ARHGEF40: variants seen among roughly 807,000 people sequenced by gnomAD.
ARHGEF40 encodes Rho guanine nucleotide exchange factor (GEF) 40.
A neutral mutation model predicts 165.9 loss-of-function variants in ARHGEF40; 98 were observed. The ratio of observed to expected loss-of-function variants is 0.59; its 90% CI spans 0.50 to 0.70. The LOEUF (loss-of-function observed/expected upper bound fraction) is 0.70. Ranked by LOEUF, ARHGEF40 falls within the 30% of genes least tolerant of loss-of-function variation. The pLI is 0.00. For synonymous variants in ARHGEF40, 792 were observed against 814.3 expected (o/e 0.97, Z 0.47); for missense variants, 1,815 against 1,968.0 (o/e 0.92, Z 1.47).
At chr14:21,063,718 G>T in the ARHGEF40 span, among the ~76,000 whole-genome samples, 1,773 of 152,280 alleles carry the variant, frequency 0.012, 29 homozygotes, top group African/African-American at 0.04. Flanking sequence ...ACAGGCACAG[G>T]TTATGTCTTA....
At chr14:21,076,749 A>T (rs746509319) in intron 7 of ARHGEF40, 25 bp from the exon 8 acceptor site, 4 of 1,613,046 alleles carry the variant, frequency 2.5e-6, no homozygotes, top group Non-Finnish European at 3.4e-6. Flanking sequence ...GCCCAGGAAG[A>T]AACCCCCTGC....
At position 21,076,584 on chromosome 14, in the gene ARHGEF40, G is replaced by A. The variant is rs1379966328; in HGVS notation, c.1858G>A (p.Val620Ile). 6.2e-7 allele frequency: 1 copy of A among 1,614,194 alleles called. No homozygotes were observed. The highest frequency in any genetic ancestry group is 1.7e-5 in the Admixed American group (1 of 60,030). The change falls in exon 7 of 24, where the codon GTT becomes ATT. Residue 620 changes from valine (V) to isoleucine (I), a missense_variant. Physicochemically the swap from Val to Ile is conservative, Grantham distance 29 (BLOSUM62 3). Transcript: ENST00000298694. ...TTAGGACTCAGGAGATCCTCCCCTTGTTCAGCGGCTGCTGATTCTCATTCA... is the reference window on the plus strand; with the variant it reads ...TTAGGACTCAGGAGATCCTCCCCTTATTCAGCGGCTGCTGATTCTCATTCA... ...QLQDSGDPPL[V>I]QRLLILIHDD...
chr14:21,083,943 G>C lies in ARHGEF40; in HGVS notation c.3682G>C (p.Glu1228Gln), dbSNP rs1888138979. The C allele has an allele frequency of 6.2e-7, 1 of 1,614,072 alleles. No homozygotes were observed. The highest frequency in any genetic ancestry group is 1.7e-4 in the Middle Eastern group (1 of 6,060). ...LEELLREAGPELSSECRALGA... is the reference protein window; with the variant it reads ...LEELLREAGPQLSSECRALGA... Reference sequence around the variant, plus strand: ...GGAGCTCCTGAGGGAAGCTGGGCCTGAGCTCAGTTCTGAGTGCCGGGCCCT... The same window carrying C: ...GGAGCTCCTGAGGGAAGCTGGGCCTCAGCTCAGTTCTGAGTGCCGGGCCCT... Residue 1228 changes from glutamate to glutamine, a missense_variant, in exon 17 of 24, where the codon GAG (glutamate) becomes CAG (glutamine). Transcript: ENST00000298694.
At chr14:21,064,642 T>C in the ARHGEF40 span, among the ~76,000 whole-genome samples, 1 of 152,220 alleles carries the variant, frequency 6.6e-6, no homozygotes, top group Non-Finnish European at 1.5e-5. Context: ...GCAAAAATTA[T>C]ACTTATGCGT....
intron 8 of ARHGEF40, among the ~76,000 whole-genome samples, chr14:21,077,889 A>G (rs1477747586): frequency 3.9e-5 from 6 of 152,214 alleles, no homozygotes; most frequent in Non-Finnish European, 5.9e-5. Context: ...CAGGAAGGTC[A>G]CAGTTACCAA....
upstream of ARHGEF40, among the ~76,000 whole-genome samples, chr14:21,067,848 C>CTTAT (rs1886354961): frequency 6.6e-6 from 1 of 152,110 alleles, no homozygotes; most frequent in African/African-American, 2.4e-5. Context: ...CCACATGTCA[C>CTTAT]TTACTTACTT....
At position 21,073,491 on chromosome 14, in the gene ARHGEF40, A is replaced by G. The variant is rs1380203275; in HGVS notation, c.201+249A>G. 1.3e-5 allele frequency among the ~76,000 whole-genome samples: 2 copies of G among 151,740 alleles called. No homozygotes were observed. Among genetic ancestry groups the G allele is most frequent in the Non-Finnish European group, 2.9e-5 (2 of 67,934 alleles). Reference sequence around the variant, plus strand: ...CTTCCCCAAATTCATCTTGACCCCAATACTGACCCCCAAAGACCCTAACTC... The same window carrying G: ...CTTCCCCAAATTCATCTTGACCCCAGTACTGACCCCCAAAGACCCTAACTC... On this transcript the variant is annotated intron_variant, in intron 2 of 23. Coordinates refer to ENST00000298694, the MANE Select transcript of ARHGEF40 (RefSeq NM_018071.5). This position sits in a 1 kb window ranked among gnomAD's most constrained non-coding sequence, Gnocchi z 4.6.
intron 19 of ARHGEF40, chr14:21,086,799 T>C (rs2139268549): frequency 1.8e-6 from 1 of 547,336 alleles, no homozygotes; most frequent in South Asian, 2.3e-5. Context: ...GCCAGATATC[T>C]GAGGAGGAAG....
At chr14:21,069,311 T>C (rs954560126), upstream of ARHGEF40, among the ~76,000 whole-genome samples, 20 of 152,236 alleles carry the variant, frequency 1.3e-4, no homozygotes, top group African/African-American at 4.8e-4. Flanking sequence ...CCACCCTGCT[T>C]TGTCTCCTGC....
In ARHGEF40 at chr14:21,081,661, C is replaced by A. The variant is rs1359575578; in HGVS notation, c.2793C>A (p.Ser931Arg). The change falls in exon 14 of 24, where the codon AGC becomes AGA. Residue 931 changes from serine to arginine, a missense_variant. Transcript: ENST00000298694. ...EMRALALDLG[S>R]PAALREWGRC... ...GGGCCCTGGCCCTGGACCTGGGCAG[C>A]CCAGCAGCCCTGCGAGAATGGGGCC... 6.2e-7 allele frequency: 1 copy of A among 1,603,336 alleles called. No individual in the cohort carries two copies. Among genetic ancestry groups the A allele is most frequent in the Non-Finnish European group, 8.5e-7 (1 of 1,175,502 alleles).
Position 21,076,417 on chromosome 14 carries a change from A to G in ARHGEF40, c.1797A>G (p.Pro599=), listed in dbSNP as rs1451405012. 6.2e-7 allele frequency: 1 copy of G among 1,613,706 alleles called. No homozygotes were observed. Among genetic ancestry groups the G allele is most frequent in the East Asian group, 2.2e-5 (1 of 44,874 alleles). The change falls in exon 6 of 24, where the codon CCA becomes CCG. Residue 599 remains proline (P), a synonymous_variant. Coordinates refer to ENST00000298694, the MANE Select transcript of ARHGEF40 (RefSeq NM_018071.5). ...SVLLDLRQAP[P]LPPALIPALS... is the part of the protein sequence containing the mutation. ...TGCTGGACCTTCGTCAGGCACCTCC[A>G]CTGCCTCCAGCACTCATTCCTGCCT...
chr14:21,064,271 A>AAAATTGAGAAGC, the ARHGEF40 span, among the ~76,000 whole-genome samples: 1 of 152,152 alleles, frequency 6.6e-6, no homozygotes, highest in Non-Finnish European at 1.5e-5. Flanking sequence ...GAGAGTGACT[A>AAAATTGAGAAGC]AATGAATAGT....
In ARHGEF40 at chr14:21,078,367, C is replaced by A; in HGVS notation, c.2131-6C>A. On this transcript the variant is annotated splice_polypyrimidine_tract_variant and splice_region_variant and intron_variant, in intron 9 of 23. Coordinates refer to ENST00000298694, the MANE Select transcript of ARHGEF40 (RefSeq NM_018071.5). ...ACCCCAACTGGCAACTCCTCCCTAT[C>A]CCCAGGAGGCAGTGGGAATGCCCAA... 1 of 1,601,160 alleles carries A rather than the reference C, an allele frequency of 6.2e-7. No homozygotes were observed. Among genetic ancestry groups the A allele is most frequent in the South Asian group, 1.1e-5 (1 of 89,134 alleles).
At position 21,088,034 on chromosome 14, in the gene ARHGEF40, C is replaced by G. The variant is rs145078286; in HGVS notation, c.4454C>G (p.Pro1485Arg). Reference protein sequence around the residue: ...PGPRNSPSLQPPHPGSSTPTL... With the variant: ...PGPRNSPSLQRPHPGSSTPTL... ...CCAAGAAACAGCCCCAGCCTGCAAC[C>G]CCCCCACCCTGGGAGCAGCACTCCC... is the stretch of plus-strand genomic sequence containing the variant. Residue 1485 changes from proline to arginine, a missense_variant, in exon 22 of 24, where the codon CCC (proline) becomes CGC (arginine). By Grantham distance (103) the Pro-to-Arg change is moderately radical. Transcript: ENST00000298694. 4.3e-6 allele frequency: 7 copies of G among 1,613,898 alleles called. No homozygotes were observed. In the Admixed American group the frequency reaches 8.3e-5, roughly 19 times the overall value.
chr14:21,087,779 TG>T, intron 21 of ARHGEF40, 188 bp from the exon 22 acceptor site: 1 of 790,464 alleles, frequency 1.3e-6, no homozygotes, highest in African/African-American at 1.7e-5. Context: ...GCTTCTTCCC[TG>T]GTTGCTCTAA....
In ARHGEF40 at chr14:21,075,517, G is replaced by T. The variant is rs1409366052; in HGVS notation, c.1618+18G>T. On this transcript the variant is annotated intron_variant, in intron 4 of 23. Coordinates refer to ENST00000298694, the MANE Select transcript of ARHGEF40 (RefSeq NM_018071.5). The surrounding 1 kb of genome is among the most constrained non-coding windows in gnomAD (Gnocchi z 4.5). ...CCTGACGGGTCAGTGGGCATCAGTGGGTGAAGGGAAACAGGACTGGGAAAG... is the reference window on the plus strand; with the variant it reads ...CCTGACGGGTCAGTGGGCATCAGTGTGTGAAGGGAAACAGGACTGGGAAAG... The T allele has an allele frequency of 6.2e-7, 1 of 1,614,200 alleles. No individual in the cohort carries two copies. Among genetic ancestry groups the T allele is most frequent in the Non-Finnish European group, 8.5e-7 (1 of 1,180,042 alleles).
intron 22 of ARHGEF40, 53 bp from the exon 23 acceptor site, chr14:21,088,777 A>G (rs1295569921): frequency 1.9e-6 from 3 of 1,554,968 alleles, no homozygotes; most frequent in South Asian, 1.1e-5. Context: ...AGGAAAAGAG[A>G]GAGAAAGACA....
Position 21,080,937 on chromosome 14 carries a change from T to C in ARHGEF40, c.2561T>C (p.Leu854Pro). The change falls in exon 13 of 24, where the codon CTG (leucine) becomes CCG (proline). Residue 854 changes from leucine to proline, a missense_variant. Coordinates refer to ENST00000298694, the MANE Select transcript of ARHGEF40 (RefSeq NM_018071.5). ...GAGAATGCCACCTCCCAGAAGGTGC[T>C]GGATATCTTTGAACAGCGGCTGGAG... is the stretch of plus-strand genomic sequence containing the variant. Reference protein sequence around the residue: ...LEENATSQKVLDIFEQRLEQV... With the variant: ...LEENATSQKVPDIFEQRLEQV... The C allele has an allele frequency of 6.2e-7, 1 of 1,614,206 alleles. No homozygotes were observed. Among genetic ancestry groups the C allele is most frequent in the Non-Finnish European group, 8.5e-7 (1 of 1,180,028 alleles).
chr14:21,069,375 C>G (rs746799633), upstream of ARHGEF40, among the ~76,000 whole-genome samples: 2 of 152,220 alleles, frequency 1.3e-5, no homozygotes, highest in African/African-American at 4.8e-5. Context: ...CTGCGGGACT[C>G]TATAGCCACC....
Sources: allele counts gnomAD v4.1 joint callset (sites outside exome capture counted in the v4.1 genomes callset), GRCh38; gene constraint gnomAD v4.1.1; non-coding constraint Gnocchi (gnomAD v3.1); transcripts MANE v1.5; gene names NCBI Gene and HGNC (gene_info 2026-07-23, HGNC 2026-07-21).